Variants in MCTP1 observed in about 807,000 individuals in gnomAD.
The protein encoded by MCTP1 is multiple C2 and transmembrane domain containing 1, also known as multiple C2 and transmembrane domain-containing protein 1.
MCTP1 carries 69 observed loss-of-function variants against 120.6 expected under a neutral mutation model. That is an observed-to-expected ratio of 0.57 (90% CI 0.47 to 0.70). The LOEUF (loss-of-function observed/expected upper bound fraction) is 0.70. MCTP1 is among the 30% of genes least tolerant of loss of function. The pLI, the probability that MCTP1 is intolerant of heterozygous loss-of-function variation, is 0.00. For synonymous variants in MCTP1, 529 were observed against 493.1 expected (o/e 1.07, Z -0.96); for missense variants, 1,203 against 1,248.8 (o/e 0.96, Z 0.55).
At chr5:95,281,098 C>A (rs1190980057) in intron 1 of MCTP1, among the ~76,000 whole-genome samples, 2 of 152,224 alleles carry the variant, frequency 1.3e-5, no homozygotes, top group African/African-American at 4.8e-5. Flanking sequence ...TTCATCTAGG[C>A]ACTCTAAAGA....
Position 95,284,730 on chromosome 5 carries a change from G to T in MCTP1, c.-155C>A, listed in dbSNP as rs2152750393. Among the ~76,000 whole-genome samples, 1 of 151,880 alleles carries T rather than the reference G, an allele frequency of 6.6e-6. No homozygotes were observed. Among genetic ancestry groups the T allele is most frequent in the African/African-American group, 2.4e-5 (1 of 41,458 alleles). ...GCAGCAGAAACCGGGAGTGCCCAGC[G>T]ACTTCAGGCCAGCTCGGGGGAAAGA... On this transcript the variant is annotated 5_prime_UTR_variant, in exon 1 of 23. Transcript: ENST00000515393. The surrounding 1 kb of genome is among the most constrained non-coding windows in gnomAD (Gnocchi z 5.2).
chr5:94,768,660 G>T (rs1773369441), intron 19 of MCTP1, among the ~76,000 whole-genome samples: 1 of 152,080 alleles, frequency 6.6e-6, no homozygotes, highest in South Asian at 2.1e-4. Flanking sequence ...AAATACTGGA[G>T]AAATGCAAAC....
chr5:95,118,961 G>A (rs1455097124), intron 1 of MCTP1, among the ~76,000 whole-genome samples: 2 of 152,178 alleles, frequency 1.3e-5, no homozygotes, highest in South Asian at 2.1e-4. Flanking sequence ...TACCACTTTT[G>A]GCATTGGACA....
At chr5:94,923,336 C>T (rs565608884) in intron 7 of MCTP1, among the ~76,000 whole-genome samples, 49 of 152,188 alleles carry the variant, frequency 3.2e-4, no homozygotes, top group Non-Finnish European at 5.1e-4. Context: ...ATAAATTGTG[C>T]TGTGCATAAT....
chr5:95,059,629 T>G (rs756243145), intron 1 of MCTP1, among the ~76,000 whole-genome samples: 1 of 152,172 alleles, frequency 6.6e-6, no homozygotes, highest in South Asian at 2.1e-4. Context: ...CTCTGAAATG[T>G]ACGTAGAAAT....
At chr5:95,088,660 C>T (rs1355329606) in intron 1 of MCTP1, among the ~76,000 whole-genome samples, 2 of 152,204 alleles carry the variant, frequency 1.3e-5, no homozygotes, top group African/African-American at 4.8e-5. Flanking sequence ...GTAAATGGTA[C>T]TTTATTTCAC....
chr5:94,870,379 G>T, intron 16 of MCTP1, 38 bp downstream of exon 16: 1 of 1,334,502 alleles, frequency 7.5e-7, no homozygotes, highest in Non-Finnish European at 1.1e-6. Flanking sequence ...GATATAATCA[G>T]GTCTTCCCAG....
At chr5:94,956,885 G>C (rs1014160202) in intron 2 of MCTP1, among the ~76,000 whole-genome samples, 18 of 152,108 alleles carry the variant, frequency 1.2e-4, no homozygotes, top group African/African-American at 3.9e-4. Context: ...AGCAAGACAG[G>C]CCAACATTCA....
At position 94,996,589 on chromosome 5, in the gene MCTP1, A is replaced by G. The variant is rs144419543; in HGVS notation, c.838+20778T>C. On this transcript the variant is annotated intron_variant, in intron 2 of 22. Coordinates refer to ENST00000515393, the MANE Select transcript of MCTP1 (RefSeq NM_024717.7). ...CTCTGGATTACTTATAATATCCAATACAATGTAAATGCTAAGTAAATCATT... is the reference window on the plus strand; with the variant it reads ...CTCTGGATTACTTATAATATCCAATGCAATGTAAATGCTAAGTAAATCATT... 1.6e-3 allele frequency among the ~76,000 whole-genome samples: 239 copies of G among 152,310 alleles called. 3 individuals are homozygous for G. The highest frequency in any genetic ancestry group is 5.4e-3 in the African/African-American group (226 of 41,572).
At chr5:95,079,298 A>T (rs1336990692) in intron 1 of MCTP1, among the ~76,000 whole-genome samples, 1 of 152,118 alleles carries the variant, frequency 6.6e-6, no homozygotes, top group African/African-American at 2.4e-5. Flanking sequence ...TGGGACTGTC[A>T]TCTAGCATTA....
intron 1 of MCTP1, among the ~76,000 whole-genome samples, chr5:95,224,366 T>A (rs919380966): frequency 1.3e-5 from 2 of 152,226 alleles, no homozygotes; most frequent in Non-Finnish European, 2.9e-5. Context: ...AGGGGATATT[T>A]ACATTTAATG....
chr5:94,867,908 C>G (rs1433036292), intron 17 of MCTP1: 1 of 156,740 alleles, frequency 6.4e-6, no homozygotes, highest in Non-Finnish European at 1.4e-5. Context: ...GCATTGGTAG[C>G]ATTCTACTAC....
In MCTP1 at chr5:95,135,658, A is replaced by G. The variant is rs138178199; in HGVS notation, c.721-118174T>C. Among the ~76,000 whole-genome samples, 327 of 152,304 alleles carry G rather than the reference A, an allele frequency of 2.1e-3. 1 individual carries two copies. Among genetic ancestry groups the G allele is most frequent in the African/African-American group, 7.4e-3 (308 of 41,558 alleles). The stretch of plus-strand genomic sequence containing the variant: ...TGTTGGATGCTTCCTGCCCTCAAAC[A>G]TCATTCTCCAAGTTCTTCAGTTTTG... On this transcript the variant is annotated intron_variant, in intron 1 of 22. Transcript: ENST00000515393.
chr5:94,926,417 T>C (rs1813138403), intron 6 of MCTP1, among the ~76,000 whole-genome samples: 1 of 151,374 alleles, frequency 6.6e-6, no homozygotes, highest in South Asian at 2.1e-4. Context: ...ATCATGTATA[T>C]AAACTTTCCT....
At chr5:95,036,834 C>G (rs1004046881) in intron 1 of MCTP1, among the ~76,000 whole-genome samples, 1 of 152,126 alleles carries the variant, frequency 6.6e-6, no homozygotes, top group African/African-American at 2.4e-5. Flanking sequence ...ATTAGCAAAT[C>G]TTAGAAATCA....
At chr5:95,167,161 T>G (rs898488152) in intron 1 of MCTP1, among the ~76,000 whole-genome samples, 2 of 152,040 alleles carry the variant, frequency 1.3e-5, no homozygotes, top group Non-Finnish European at 2.9e-5. Context: ...GAACATGCAG[T>G]GTTTGGTTTT....
chr5:94,957,298 G>T (rs12523271), intron 2 of MCTP1, among the ~76,000 whole-genome samples: 18,107 of 152,118 alleles, frequency 0.12, 1,341 homozygotes, highest in Non-Finnish European at 0.16. Flanking sequence ...ACTGGTACCA[G>T]CCTCCACAAA....
chr5:94,916,973 T>C (rs1424145925), intron 8 of MCTP1, among the ~76,000 whole-genome samples: 1 of 152,246 alleles, frequency 6.6e-6, no homozygotes, highest in Non-Finnish European at 1.5e-5. Flanking sequence ...ATATTATTTA[T>C]GCTATTTAAA....
intron 2 of MCTP1, among the ~76,000 whole-genome samples, chr5:94,989,030 G>T (rs539861318): frequency 5.3e-5 from 8 of 152,292 alleles, no homozygotes; most frequent in African/African-American, 1.9e-4. Flanking sequence ...TATAATTCAA[G>T]ATGAGGTTTG....
Sources: gnomAD v4.1 joint callset for allele counts (sites outside exome capture counted in the v4.1 genomes callset) on GRCh38, gnomAD v4.1.1 for gene constraint, Gnocchi (gnomAD v3.1) non-coding constraint, MANE v1.5 for transcripts, NCBI Gene and HGNC (gene_info 2026-07-23, HGNC 2026-07-21) for gene names.